TM9SF3: variants seen among roughly 807,000 people sequenced by gnomAD.
TM9SF3 encodes transmembrane 9 superfamily member 3.
In TM9SF3, 14 loss-of-function variants were observed where a neutral mutation model predicts 78.6. That is an observed-to-expected ratio of 0.18 (90% CI 0.12 to 0.28). The LOEUF (loss-of-function observed/expected upper bound fraction) is 0.28. TM9SF3 is among the 10% of genes least tolerant of loss of function. The pLI, the probability that TM9SF3 is intolerant of heterozygous loss-of-function variation, is 1.00. For synonymous variants in TM9SF3, 231 were observed against 241.7 expected, an observed-to-expected ratio of 0.96 and a Z score of 0.41; for missense variants, 496 against 721.9, an observed-to-expected ratio of 0.69 and a Z score of 3.59.
intron 1 of TM9SF3, 69 bp downstream of exon 1, chr10:96,586,665 C>G: frequency 8.5e-7 from 1 of 1,178,210 alleles, no homozygotes; most frequent in African/African-American, 1.6e-5. Context: ...CTCCAGGCTG[C>G]GTGGGGCCTG....
rs562647287 is a variant in TM9SF3 at position 96,563,669 on chromosome 10, C to T, written c.422-1531G>A. Among the ~76,000 whole-genome samples the T allele has an allele frequency of 4.6e-5, 7 of 152,298 alleles. No individual in the cohort carries two copies. The South Asian group carries it at 1.0e-3, about 23-fold the overall frequency. On this transcript the variant is annotated intron_variant, in intron 3 of 14. Coordinates refer to ENST00000371142, the MANE Select transcript of TM9SF3 (RefSeq NM_020123.4). ...CTGGGATTACAGGCGTGAGCCACCGCGCCCAGCCAATAATTAATTTCATTA... is the reference window on the plus strand; with the variant it reads ...CTGGGATTACAGGCGTGAGCCACCGTGCCCAGCCAATAATTAATTTCATTA...
chr10:96,572,562 T>C (rs1225773899), intron 2 of TM9SF3, among the ~76,000 whole-genome samples: 3 of 150,466 alleles, frequency 2.0e-5, no homozygotes, highest in Admixed American at 6.6e-5. Context: ...AGTCTTGCTC[T>C]GTCGCCCAGG....
chr10:96,578,830 C>A (rs754250974), intron 1 of TM9SF3, among the ~76,000 whole-genome samples: 2 of 152,214 alleles, frequency 1.3e-5, no homozygotes, highest in Non-Finnish European at 2.9e-5. Flanking sequence ...AATCCCAAGA[C>A]CTTGGGACGC....
intron 1 of TM9SF3, among the ~76,000 whole-genome samples, chr10:96,583,036 C>T (rs959341090): frequency 2.7e-5 from 4 of 149,124 alleles, no homozygotes; most frequent in African/African-American, 7.4e-5. Flanking sequence ...GCCGAGATCA[C>T]GCCATTGCAC....
chr10:96,572,762 C>T (rs1355697538), intron 2 of TM9SF3, among the ~76,000 whole-genome samples: 1 of 151,872 alleles, frequency 6.6e-6, no homozygotes, highest in African/African-American at 2.4e-5. Flanking sequence ...GTGATCCACC[C>T]GCCTCAGCCT....
At chr10:96,565,272 C>T in intron 3 of TM9SF3, 32 bp downstream of exon 3, 2 of 1,467,996 alleles carry the variant, frequency 1.4e-6, no homozygotes, top group South Asian at 1.5e-5. Flanking sequence ...TGCAAATTTT[C>T]CCAAATCTTA....
In TM9SF3 at chr10:96,519,154, G is replaced by A. The variant is rs923827733; in HGVS notation, c.*3109C>T. The A allele has an allele frequency of 6.6e-6, 1 of 151,980 alleles. No individual in the cohort carries two copies. Among genetic ancestry groups the A allele is most frequent in the Non-Finnish European group, 1.5e-5 (1 of 67,890 alleles). The allele number at this position is 151,980 out of a possible 1,614,324, so 9.4% of individuals were successfully genotyped here. A position where few individuals can be genotyped will look rare whatever the true frequency, so the allele number is the denominator to read the frequency against. The stretch of plus-strand genomic sequence containing the variant: ...AGGTTTTAATAACATTTCTTTGCAA[G>A]ACATTTGGTATAAGGTGGTTAATAA... On this transcript the variant is annotated 3_prime_UTR_variant, in exon 15 of 15. Transcript: ENST00000371142.
At chr10:96,566,587 A>C (rs1345835768) in intron 2 of TM9SF3, among the ~76,000 whole-genome samples, 1 of 152,248 alleles carries the variant, frequency 6.6e-6, no homozygotes, top group Admixed American at 6.5e-5. Flanking sequence ...AAGTATGGGA[A>C]GAAAATTAAT....
intron 9 of TM9SF3, among the ~76,000 whole-genome samples, chr10:96,535,430 T>G (rs1455718568): frequency 6.6e-6 from 1 of 152,248 alleles, no homozygotes; most frequent in Non-Finnish European, 1.5e-5. Context: ...CTTACTTTAT[T>G]CAAACCCCTT....
rs186739963 is a variant in TM9SF3, at chr10:96,530,548, A to G, written c.1386T>C (p.Phe462=). 6.6e-5 allele frequency: 107 copies of G among 1,611,676 alleles called. 1 individual carries two copies. In the East Asian group the frequency reaches 9.4e-4, roughly 14 times the overall value. Residue 462 remains phenylalanine, a synonymous_variant, in exon 11 of 15, where the codon TTT becomes TTC. Transcript: ENST00000371142. ...LGGILPFGSI[F]IEMYFIFTSF... Reference sequence around the variant, plus strand: ...ACATTATCAAAACTTACATTTCAATAAAGATTGAACCAAAAGGTAAAATTC... The same window carrying G: ...ACATTATCAAAACTTACATTTCAATGAAGATTGAACCAAAAGGTAAAATTC...
At chr10:96,580,543 G>A (rs1288309115) in intron 1 of TM9SF3, among the ~76,000 whole-genome samples, 2 of 152,188 alleles carry the variant, frequency 1.3e-5, no homozygotes, top group African/African-American at 2.4e-5. Flanking sequence ...TGGGATTACA[G>A]GCGTGAGCCA....
intron 1 of TM9SF3, among the ~76,000 whole-genome samples, chr10:96,584,329 C>T (rs1848606515): frequency 6.6e-6 from 1 of 152,138 alleles, no homozygotes; most frequent in African/African-American, 2.4e-5. Flanking sequence ...TTAGCCTTTT[C>T]GGTACTACTA....
chr10:96,523,336 C>G (rs939107017), intron 14 of TM9SF3, among the ~76,000 whole-genome samples: 4 of 151,776 alleles, frequency 2.6e-5, no homozygotes, highest in African/African-American at 9.7e-5. Context: ...TTGAACGAAT[C>G]TTTTAGTGAA....
Position 96,521,546 on chromosome 10 carries a change from TAG to T in TM9SF3, c.*715_*716del, listed in dbSNP as rs1011826888. On this transcript the variant is annotated 3_prime_UTR_variant, in exon 15 of 15. Coordinates refer to ENST00000371142, the MANE Select transcript of TM9SF3 (RefSeq NM_020123.4). The stretch of plus-strand genomic sequence containing the variant: ...TCTAACTGTACAGTAAATTGCATTG[TAG>T]AGAGTACACTTCTGTCTTCAAACTG... 1 of 152,380 alleles carries T rather than the reference TAG, an allele frequency of 6.6e-6. No homozygotes were observed. Among genetic ancestry groups the T allele is most frequent in the Non-Finnish European group, 1.5e-5 (1 of 67,852 alleles). The allele number at this position is 152,380 out of a possible 1,614,324, so 9.4% of individuals were successfully genotyped here.
Position 96,558,793 on chromosome 10 carries a change from G to A in TM9SF3, c.660+866C>T, listed in dbSNP as rs532273252. 3.2e-4 allele frequency among the ~76,000 whole-genome samples: 49 copies of A among 152,108 alleles called. No individual in the cohort carries two copies. The South Asian group carries it at 3.7e-3, about 12-fold the overall frequency. On this transcript the variant is annotated intron_variant, in intron 5 of 14. Coordinates refer to ENST00000371142, the MANE Select transcript of TM9SF3 (RefSeq NM_020123.4). The stretch of plus-strand genomic sequence containing the variant: ...TAAATCTGAGACAACAAAAACTTAC[G>A]GGCCATCTCAAAAATAGGTGATTAA...
chr10:96,533,758 G>A (rs1374750634), intron 9 of TM9SF3, among the ~76,000 whole-genome samples: 1 of 152,160 alleles, frequency 6.6e-6, no homozygotes, highest in Non-Finnish European at 1.5e-5. Context: ...CCTAATAGAA[G>A]GAGATCGCTA....
chr10:96,582,219 T>C (rs1848578072), intron 1 of TM9SF3, among the ~76,000 whole-genome samples: 1 of 152,236 alleles, frequency 6.6e-6, no homozygotes, highest in African/African-American at 2.4e-5. Context: ...CCCTAAGTAC[T>C]GGGTTTTTGC....
At chr10:96,528,897 A>G (rs777444379) in intron 11 of TM9SF3, among the ~76,000 whole-genome samples, 1 of 152,190 alleles carries the variant, frequency 6.6e-6, no homozygotes, top group Non-Finnish European at 1.5e-5. Context: ...CTCAATTAAA[A>G]TAAGAAGTGT....
chr10:96,537,731 C>T (rs1293753190), intron 9 of TM9SF3, among the ~76,000 whole-genome samples: 1 of 152,032 alleles, frequency 6.6e-6, no homozygotes, highest in Non-Finnish European at 1.5e-5. Flanking sequence ...ACTGGGGAGG[C>T]TGAGGTAGGA....
Sources: allele counts gnomAD v4.1 joint callset (sites outside exome capture counted in the v4.1 genomes callset), GRCh38; gene constraint gnomAD v4.1.1; transcripts MANE v1.5; gene names NCBI Gene and HGNC (gene_info 2026-07-23, HGNC 2026-07-21).